The following FMNL2 variants were observed in gnomAD, a reference collection of about 807,000 sequenced individuals.
FMNL2 encodes formin-like protein 2.
A neutral mutation model predicts 130.2 loss-of-function variants in FMNL2; 51 were observed. The observed-to-expected ratio is 0.39, with a 90% confidence interval of 0.31 to 0.49. FMNL2 has a LOEUF of 0.49. Ranked by LOEUF, FMNL2 falls within the 20% of genes least tolerant of loss-of-function variation. FMNL2 has a pLI of 0.85. For missense variants in FMNL2, 977 were observed against 1,316.2 expected (o/e 0.74, Z 3.99); for synonymous variants, 465 against 467.1 (o/e 1.00, Z 0.06).
At chr2:152,520,810 TTGTTTCACC>T (rs1693049072) in intron 1 of FMNL2, among the ~76,000 whole-genome samples, 1 of 152,134 alleles carries the variant, frequency 6.6e-6, no homozygotes, top group African/African-American at 2.4e-5. Context: ...TCTGTTAAAC[TTGTTTCACC>T]CTATAACACA....
Position 152,425,235 on chromosome 2 carries a change from G to A in FMNL2, c.117+89515G>A, listed in dbSNP as rs571375762. Among the ~76,000 whole-genome samples the A allele has an allele frequency of 2.0e-5, 3 of 152,308 alleles. No homozygotes were observed. The East Asian group carries it at 5.8e-4, about 29-fold the overall frequency. On this transcript the variant is annotated intron_variant, in intron 1 of 25. Transcript: ENST00000288670. Reference sequence around the variant, plus strand: ...AATCCAATATGGGCCTTATTATAAAGCTATAGACGGGTCTATGAGATCTTT... The same window carrying A: ...AATCCAATATGGGCCTTATTATAAAACTATAGACGGGTCTATGAGATCTTT...
chr2:152,643,438 T>G (rs937529182), intron 25 of FMNL2: 1 of 1,536,074 alleles, frequency 6.5e-7, no homozygotes, highest in Non-Finnish European at 8.7e-7. Flanking sequence ...CTGTGCCCTT[T>G]ACTGCTCGCA....
At chr2:152,489,113 T>G (rs977829952) in intron 1 of FMNL2, among the ~76,000 whole-genome samples, 1 of 152,178 alleles carries the variant, frequency 6.6e-6, no homozygotes, top group African/African-American at 2.4e-5. Flanking sequence ...GAGAATCTGT[T>G]CAGCATCCAT....
At chr2:152,555,084 A>C (rs1374073613) in intron 4 of FMNL2, among the ~76,000 whole-genome samples, 3 of 152,182 alleles carry the variant, frequency 2.0e-5, no homozygotes, top group Non-Finnish European at 4.4e-5. Flanking sequence ...AATACAATAA[A>C]TAAGTGTCTT....
At chr2:152,470,037 T>G (rs1365953174) in intron 1 of FMNL2, among the ~76,000 whole-genome samples, 1 of 152,230 alleles carries the variant, frequency 6.6e-6, no homozygotes, top group Non-Finnish European at 1.5e-5. Context: ...GTTTGTTGGT[T>G]TCCCCTTTCC....
At chr2:152,574,836 TAAG>T (rs1203819458) in intron 6 of FMNL2, among the ~76,000 whole-genome samples, 1 of 152,110 alleles carries the variant, frequency 6.6e-6, no homozygotes, top group African/African-American at 2.4e-5. Context: ...AGATGTAGAT[TAAG>T]AAGATGATAT....
chr2:152,564,187 T>A (rs770788602), intron 6 of FMNL2, among the ~76,000 whole-genome samples: 27 of 152,160 alleles, frequency 1.8e-4, no homozygotes, highest in Admixed American at 1.1e-3. Context: ...AGAAAAAGTA[T>A]ATAAATTCAT....
intron 1 of FMNL2, among the ~76,000 whole-genome samples, chr2:152,475,244 T>C (rs1259859075): frequency 6.6e-6 from 1 of 152,226 alleles, no homozygotes; most frequent in Non-Finnish European, 1.5e-5. Flanking sequence ...CCCATAAAAA[T>C]ATAGCTAACA....
chr2:152,348,252 G>T (rs966490727), intron 1 of FMNL2, among the ~76,000 whole-genome samples: 2 of 152,194 alleles, frequency 1.3e-5, no homozygotes, highest in Non-Finnish European at 1.5e-5. Context: ...ATAGGGAGAT[G>T]CTTTCATATG....
intron 4 of FMNL2, among the ~76,000 whole-genome samples, chr2:152,550,725 T>A (rs958707002): frequency 6.6e-6 from 1 of 152,224 alleles, no homozygotes; most frequent in Admixed American, 6.5e-5. Flanking sequence ...TTAAATACTT[T>A]CTAATATTTA....
At chr2:152,373,569 A>G (rs1013675236) in intron 1 of FMNL2, among the ~76,000 whole-genome samples, 19 of 152,340 alleles carry the variant, frequency 1.2e-4, no homozygotes, top group African/African-American at 3.6e-4. Context: ...CATCTGACCC[A>G]TGCACATCCG....
chr2:152,407,066 G>C (rs1444913623), intron 1 of FMNL2, among the ~76,000 whole-genome samples: 2 of 152,112 alleles, frequency 1.3e-5, no homozygotes, highest in Non-Finnish European at 2.9e-5. Context: ...TTGCTGGGAC[G>C]ATTAGAAACC....
intron 9 of FMNL2, among the ~76,000 whole-genome samples, chr2:152,600,204 AGT>A (rs72369509): frequency 0.02 from 3,021 of 152,248 alleles, 95 homozygotes; most frequent in African/African-American, 0.069. Context: ...GTCATAATAG[AGT>A]GTGCCTCTAA....
intron 14 of FMNL2, 66 bp from the exon 15 acceptor site, chr2:152,619,443 A>G: frequency 6.5e-7 from 1 of 1,545,796 alleles, no homozygotes; most frequent in Middle Eastern, 2.3e-4. Flanking sequence ...TTATATGCAC[A>G]TGGCTTATTG....
intron 25 of FMNL2, 136 bp from the exon 26 acceptor site, chr2:152,647,660 C>A: frequency 1.3e-6 from 1 of 756,580 alleles, no homozygotes; most frequent in Non-Finnish European, 2.4e-6. Flanking sequence ...TGATTCAATG[C>A]TCAGTGAGTT....
chr2:152,412,449 TATATATATATATA>T (rs1686351120), intron 1 of FMNL2, among the ~76,000 whole-genome samples: 13 of 10,340 alleles, frequency 1.3e-3, no homozygotes, highest in South Asian at 7.1e-3. Context: ...GTATATTTTA[TATATATATATATA>T]TATATATATA....
At chr2:152,647,221 GATT>G (rs968230395) in intron 25 of FMNL2, among the ~76,000 whole-genome samples, 4 of 152,050 alleles carry the variant, frequency 2.6e-5, no homozygotes, top group Admixed American at 6.6e-5. Flanking sequence ...CCAGGGAATA[GATT>G]ATTATTTTGG....
At chr2:152,543,042 C>T (rs1694400476) in intron 3 of FMNL2, among the ~76,000 whole-genome samples, 1 of 152,242 alleles carries the variant, frequency 6.6e-6, no homozygotes, top group Non-Finnish European at 1.5e-5. Context: ...GAGTCACGTA[C>T]CTCTGATGGT....
At chr2:152,462,370 A>T (rs1247421393) in intron 1 of FMNL2, among the ~76,000 whole-genome samples, 1 of 152,200 alleles carries the variant, frequency 6.6e-6, no homozygotes, top group Non-Finnish European at 1.5e-5. Context: ...AGTGGTTTTC[A>T]AACATTACTG....
Sources: allele counts gnomAD v4.1 joint callset (sites outside exome capture counted in the v4.1 genomes callset), GRCh38; gene constraint gnomAD v4.1.1; transcripts MANE v1.5; gene names NCBI Gene and HGNC (gene_info 2026-07-23, HGNC 2026-07-21).